The following NKAIN2 variants were observed in gnomAD, a reference collection of about 807,000 sequenced individuals.
NKAIN2 encodes the protein sodium/potassium transporting ATPase interacting 2.
Under a neutral mutation model 32.6 loss-of-function variants are expected in NKAIN2, and 14 were observed. That is an observed-to-expected ratio of 0.43 (90% CI 0.28 to 0.67). The LOEUF (loss-of-function observed/expected upper bound fraction) is 0.67. NKAIN2 is among the 30% of genes least tolerant of loss of function. The pLI is 0.17. For synonymous variants in NKAIN2, 80 were observed against 87.2 expected (o/e 0.92, Z 0.46); for missense variants, 198 against 258.3 (o/e 0.77, Z 1.60).
intron 4 of NKAIN2, among the ~76,000 whole-genome samples, chr6:124,667,034 A>G (rs1439971726): frequency 6.6e-6 from 1 of 152,136 alleles, no homozygotes; most frequent in Non-Finnish European, 1.5e-5. Context: ...ACTAAATCCT[A>G]CTAAATTTAC....
At chr6:124,331,370 A>AAAAAAAAAAAAAAAAAAAC (rs1797648384) in intron 2 of NKAIN2, among the ~76,000 whole-genome samples, 2 of 144,432 alleles carry the variant, frequency 1.4e-5, no homozygotes, top group African/African-American at 5.2e-5. Flanking sequence ...AAAAAAAAAA[A>AAAAAAAAAAAAAAAAAAAC]AAAAAAAAAC....
intron 1 of NKAIN2, among the ~76,000 whole-genome samples, chr6:124,029,285 T>C (rs925525091): frequency 3.3e-5 from 5 of 152,080 alleles, no homozygotes; most frequent in African/African-American, 7.2e-5. Context: ...TTTTACTTGC[T>C]TGTCATATGT....
In NKAIN2 at chr6:124,385,137, C is replaced by T. The variant is rs144426301; in HGVS notation, c.273+29790C>T. Among the ~76,000 whole-genome samples the T allele has an allele frequency of 3.0e-3, 464 of 152,188 alleles. 2 individuals carry two copies. Among genetic ancestry groups the T allele is most frequent in the African/African-American group, 9.8e-3 (407 of 41,524 alleles). On this transcript the variant is annotated intron_variant, in intron 3 of 6. Transcript: ENST00000368417. The stretch of plus-strand genomic sequence containing the variant: ...CCAAAAGTCTCGCCAAGTTAAGTCA[C>T]GTGTCACAAATGGAAAAAGCTCAAC...
chr6:124,406,032 G>GTGTGTGTGTGTGTGTGTA (rs201998024), intron 3 of NKAIN2, among the ~76,000 whole-genome samples: 5 of 152,060 alleles, frequency 3.3e-5, no homozygotes, highest in African/African-American at 1.2e-4. Flanking sequence ...GTGTGTGTGT[G>GTGTGTGTGTGTGTGTGTA]TGTAATTCTG....
chr6:124,034,154 G>C (rs868042941), intron 1 of NKAIN2, among the ~76,000 whole-genome samples: 3 of 151,888 alleles, frequency 2.0e-5, no homozygotes, highest in Non-Finnish European at 1.5e-5. Context: ...TTAGATTTAG[G>C]GGGTACATGC....
chr6:124,290,079 T>C (rs1795732477), intron 2 of NKAIN2, among the ~76,000 whole-genome samples: 1 of 152,142 alleles, frequency 6.6e-6, no homozygotes, highest in Non-Finnish European at 1.5e-5. Context: ...ATTACAAGTT[T>C]AATGGATTTA....
At chr6:124,272,930 T>C (rs145313368) in intron 1 of NKAIN2, among the ~76,000 whole-genome samples, 337 of 152,328 alleles carry the variant, frequency 2.2e-3, no homozygotes, top group African/African-American at 7.7e-3. Context: ...TTTTGGCACA[T>C]TTCTCGCATT....
At chr6:124,628,155 C>T (rs961119692) in intron 3 of NKAIN2, among the ~76,000 whole-genome samples, 1 of 152,096 alleles carries the variant, frequency 6.6e-6, no homozygotes, top group East Asian at 1.9e-4. Flanking sequence ...TCCACAATTC[C>T]CTCTTACATC....
intron 1 of NKAIN2, among the ~76,000 whole-genome samples, chr6:124,269,706 G>A (rs2114872470): frequency 6.6e-6 from 1 of 152,082 alleles, no homozygotes; most frequent in African/African-American, 2.4e-5. Flanking sequence ...GACCTCAGGT[G>A]ATCCAACGGC....
chr6:124,516,688 C>G (rs1362072352), intron 3 of NKAIN2, among the ~76,000 whole-genome samples: 1 of 152,248 alleles, frequency 6.6e-6, no homozygotes, highest in East Asian at 1.9e-4. Context: ...AGTCACACAA[C>G]CTGCTGTGTA....
At chr6:124,337,588 A>G (rs1202123779) in intron 2 of NKAIN2, among the ~76,000 whole-genome samples, 1 of 152,208 alleles carries the variant, frequency 6.6e-6, no homozygotes, top group Non-Finnish European at 1.5e-5. Context: ...ATGCAAACCG[A>G]GTGATCACTG....
intron 1 of NKAIN2, among the ~76,000 whole-genome samples, chr6:124,211,435 T>C (rs1307843510): frequency 6.6e-6 from 1 of 151,880 alleles, no homozygotes; most frequent in Non-Finnish European, 1.5e-5. Flanking sequence ...TTGGGAATAG[T>C]GCAAATGGTT....
chr6:124,139,295 A>T (rs1436962199), intron 1 of NKAIN2, among the ~76,000 whole-genome samples: 1 of 149,940 alleles, frequency 6.7e-6, no homozygotes, highest in Non-Finnish European at 1.5e-5. Flanking sequence ...TCACCTTGTT[A>T]GCCAGGATGG....
intron 1 of NKAIN2, among the ~76,000 whole-genome samples, chr6:124,196,015 A>T (rs1192087577): frequency 6.6e-6 from 1 of 152,110 alleles, no homozygotes; most frequent in Non-Finnish European, 1.5e-5. Flanking sequence ...TCACTCTTTA[A>T]TTGAAGATAT....
intron 2 of NKAIN2, among the ~76,000 whole-genome samples, chr6:124,353,369 T>C (rs1562508697): frequency 6.6e-6 from 1 of 152,082 alleles, no homozygotes; most frequent in East Asian, 1.9e-4. Context: ...TTCGGAATCA[T>C]GAGGGAGGTG....
chr6:124,762,289 C>G (rs1277120323), intron 4 of NKAIN2, among the ~76,000 whole-genome samples: 1 of 152,058 alleles, frequency 6.6e-6, no homozygotes, highest in Non-Finnish European at 1.5e-5. Context: ...TCTTTTTGTT[C>G]ATCCAAATTT....
intron 4 of NKAIN2, among the ~76,000 whole-genome samples, chr6:124,755,216 A>G (rs1221171187): frequency 6.6e-6 from 1 of 152,124 alleles, no homozygotes; most frequent in Non-Finnish European, 1.5e-5. Flanking sequence ...CTGATGTCCA[A>G]AGGCAGGAGG....
At chr6:124,796,374 T>A (rs952823547) in intron 5 of NKAIN2, among the ~76,000 whole-genome samples, 1 of 152,138 alleles carries the variant, frequency 6.6e-6, no homozygotes, top group Non-Finnish European at 1.5e-5. Flanking sequence ...CCAAATATAG[T>A]CAGGCATATT....
chr6:123,839,433 G>A (rs1335151752), intron 1 of NKAIN2, among the ~76,000 whole-genome samples: 1 of 152,052 alleles, frequency 6.6e-6, no homozygotes, highest in African/African-American at 2.4e-5. Flanking sequence ...GCTTAAGTGT[G>A]TCTATAAAGA....
Sources: allele counts gnomAD v4.1 joint callset (sites outside exome capture counted in the v4.1 genomes callset), GRCh38; gene constraint gnomAD v4.1.1; transcripts MANE v1.5; gene names NCBI Gene and HGNC (gene_info 2026-07-23, HGNC 2026-07-21).